ARMC2: variants seen among roughly 807,000 people sequenced by gnomAD.
The protein encoded by ARMC2 is armadillo repeat-containing protein 2.
In ARMC2, 67 loss-of-function variants were observed where a neutral mutation model predicts 90.3. That is an observed-to-expected ratio of 0.74 (90% CI 0.61 to 0.91). The LOEUF (loss-of-function observed/expected upper bound fraction) is 0.91, where lower values mean the gene tolerates loss of function less well. Among genes scored for constraint, ARMC2 ranks in the 40% least tolerant of loss-of-function variants. The pLI is 0.00. For synonymous variants in ARMC2, 393 were observed against 393.0 expected (o/e 1.00, Z 0.00); for missense variants, 920 against 1,030.9 (o/e 0.89, Z 1.47).
chr6:108,909,822 C>T (rs1200302105), intron 8 of ARMC2, among the ~76,000 whole-genome samples: 5 of 152,332 alleles, frequency 3.3e-5, no homozygotes, highest in African/African-American at 1.2e-4. Context: ...ACGTGGGCTA[C>T]TGCGCCCAGC....
chr6:108,898,830 C>A (rs1771861850), intron 6 of ARMC2, among the ~76,000 whole-genome samples: 1 of 152,114 alleles, frequency 6.6e-6, no homozygotes, highest in African/African-American at 2.4e-5. Context: ...CCTCCTGCAT[C>A]TAGAGTACAC....
At chr6:108,906,281 G>A (rs913791707) in intron 8 of ARMC2, among the ~76,000 whole-genome samples, 5 of 151,962 alleles carry the variant, frequency 3.3e-5, no homozygotes, top group South Asian at 4.1e-4. Context: ...AAAATCTAGC[G>A]CCCTATGTAC....
chr6:108,938,312 C>T (rs1776128532), intron 12 of ARMC2, among the ~76,000 whole-genome samples: 1 of 152,044 alleles, frequency 6.6e-6, no homozygotes, highest in Admixed American at 6.6e-5. Context: ...CTTATCTTTA[C>T]CCAGCCAAAG....
At chr6:108,913,653 A>C (rs1773655959) in intron 10 of ARMC2, among the ~76,000 whole-genome samples, 1 of 152,208 alleles carries the variant, frequency 6.6e-6, no homozygotes, top group East Asian at 1.9e-4. Flanking sequence ...TTTCACCCTG[A>C]GATAACACCT....
At chr6:108,910,023 T>C (rs1237452479) in intron 8 of ARMC2, among the ~76,000 whole-genome samples, 1 of 152,210 alleles carries the variant, frequency 6.6e-6, no homozygotes, top group Non-Finnish European at 1.5e-5. Context: ...TACTATGTGT[T>C]CTTTTCTAAA....
intron 12 of ARMC2, among the ~76,000 whole-genome samples, chr6:108,942,655 G>A (rs1423112718): frequency 6.6e-6 from 1 of 152,066 alleles, no homozygotes; most frequent in African/African-American, 2.4e-5. Context: ...AACTTGGGTT[G>A]TAGAGAAATA....
intron 15 of ARMC2, 134 bp downstream of exon 15, chr6:108,962,261 C>T (rs1778052514): frequency 6.5e-6 from 5 of 769,946 alleles, no homozygotes; most frequent in African/African-American, 3.5e-5. Context: ...GTTTAAGGCT[C>T]CTGGCTCAGG....
At chr6:108,988,505 C>T in the ARMC2 span, 1 of 1,559,966 alleles carries the variant, frequency 6.4e-7, no homozygotes. Context: ...CGAATCATTG[C>T]TAAGTTACAA....
chr6:108,911,776 A>G (rs764899238), intron 9 of ARMC2, among the ~76,000 whole-genome samples: 7 of 152,196 alleles, frequency 4.6e-5, no homozygotes, highest in Non-Finnish European at 1.0e-4. Context: ...GATATGCATT[A>G]TTAACGTTAT....
the ARMC2 span, chr6:108,988,693 G>C: frequency 6.3e-7 from 1 of 1,591,992 alleles, no homozygotes; most frequent in South Asian, 1.1e-5. Context: ...CATATCTGTT[G>C]AAAGACATAA....
At chr6:108,984,417 CT>C in the ARMC2 span, among the ~76,000 whole-genome samples, 14 of 152,198 alleles carry the variant, frequency 9.2e-5, no homozygotes, top group Admixed American at 1.3e-4. Flanking sequence ...ATGGCACACT[CT>C]AGCTGTGTCC....
At chr6:109,012,137 G>T in the ARMC2 span, among the ~76,000 whole-genome samples, 3 of 152,134 alleles carry the variant, frequency 2.0e-5, no homozygotes, top group Non-Finnish European at 4.4e-5. Flanking sequence ...CCTGAACACA[G>T]AACAGTGATT....
At chr6:108,894,119 G>A (rs530314127) in intron 5 of ARMC2, among the ~76,000 whole-genome samples, 54 of 152,290 alleles carry the variant, frequency 3.5e-4, no homozygotes, top group African/African-American at 1.3e-3. Context: ...TATAATACTA[G>A]CATTTTGGGA....
intron 17 of ARMC2, among the ~76,000 whole-genome samples, chr6:108,969,007 G>C (rs1217000405): frequency 1.3e-5 from 2 of 152,136 alleles, no homozygotes; most frequent in Non-Finnish European, 2.9e-5. Flanking sequence ...GTGGTGTGCT[G>C]AGCACTCCAG....
the ARMC2 span, among the ~76,000 whole-genome samples, chr6:109,025,127 C>A: frequency 6.6e-6 from 1 of 152,000 alleles, no homozygotes; most frequent in South Asian, 2.1e-4. Flanking sequence ...AAGCCAAAAC[C>A]CAAGGGGCTA....
At chr6:108,980,643 G>T in the ARMC2 span, among the ~76,000 whole-genome samples, 3 of 152,146 alleles carry the variant, frequency 2.0e-5, no homozygotes, top group Non-Finnish European at 4.4e-5. Flanking sequence ...GGAGATGGGG[G>T]TTTTATCTAT....
intron 3 of ARMC2, among the ~76,000 whole-genome samples, chr6:108,868,111 T>C (rs1776011763): frequency 6.6e-6 from 1 of 152,194 alleles, no homozygotes; most frequent in Non-Finnish European, 1.5e-5. Context: ...TTCCACATAA[T>C]TCTTGGTACA....
chr6:108,932,355 G>A (rs960721787), intron 11 of ARMC2, among the ~76,000 whole-genome samples: 9 of 151,536 alleles, frequency 5.9e-5, no homozygotes, highest in Non-Finnish European at 1.2e-4. Context: ...ACCTTCCAGG[G>A]TCTTCATAGT....
chr6:109,009,521 C>T, the ARMC2 span: 3 of 1,188,352 alleles, frequency 2.5e-6, no homozygotes, highest in Non-Finnish European at 3.1e-6. Flanking sequence ...CCGGCCGCGG[C>T]TCCTGGCTGC....
Sources: allele counts gnomAD v4.1 joint callset (sites outside exome capture counted in the v4.1 genomes callset), GRCh38; gene constraint gnomAD v4.1.1; transcripts MANE v1.5; gene names NCBI Gene and HGNC (gene_info 2026-07-23, HGNC 2026-07-21).